The following PDE1C variants were observed in gnomAD, a reference collection of about 807,000 sequenced individuals.
PDE1C encodes dual specificity calcium/calmodulin-dependent 3',5'-cyclic nucleotide phosphodiesterase 1C.
PDE1C carries 62 observed loss-of-function variants against 93.1 expected under a neutral mutation model. That is an observed-to-expected ratio of 0.67 (90% CI 0.54 to 0.82). PDE1C has a LOEUF of 0.82. Among genes scored for constraint, PDE1C ranks in the 40% least tolerant of loss-of-function variants. The pLI is 0.00. For missense variants in PDE1C, 742 were observed against 884.6 expected, an observed-to-expected ratio of 0.84 and a Z score of 2.04; for synonymous variants, 325 against 310.1, an observed-to-expected ratio of 1.05 and a Z score of -0.50.
chr7:32,043,365 G>T (rs1484376204), intron 2 of PDE1C, among the ~76,000 whole-genome samples: 1 of 152,118 alleles, frequency 6.6e-6, no homozygotes, highest in Non-Finnish European at 1.5e-5. Context: ...GGTTTGGGAA[G>T]GATTTAGAGA....
rs11978510 is a variant in PDE1C at position 32,324,260 on chromosome 7, A to T, written c.310+103562T>A. Among the ~76,000 whole-genome samples the T allele has an allele frequency of 2.8e-3, 433 of 152,332 alleles. 3 individuals carry two copies. Among genetic ancestry groups the T allele is most frequent in the African/African-American group, 9.5e-3 (395 of 41,570 alleles). ...TTACTATTTGCTCTTTTATAGAAAC[A>T]AAATTTGCCAATTCTTGCACATAGC... On this transcript the variant is annotated intron_variant, in intron 1 of 1. Transcript: ENST00000672256.
At chr7:31,638,416 A>G in the PDE1C span, among the ~76,000 whole-genome samples, 384 of 152,354 alleles carry the variant, frequency 2.5e-3, 3 homozygotes, top group African/African-American at 8.9e-3. Context: ...AAAATCAGGC[A>G]GCACCTTTTC....
chr7:32,305,001 C>T (rs774960455), intron 1 of PDE1C, among the ~76,000 whole-genome samples: 1 of 152,114 alleles, frequency 6.6e-6, no homozygotes, highest in Non-Finnish European at 1.5e-5. Context: ...CTCACTCAAC[C>T]CTGGGCCTAA....
intron 1 of PDE1C, among the ~76,000 whole-genome samples, chr7:32,067,982 G>A (rs187128745): frequency 1.1e-3 from 170 of 152,136 alleles, no homozygotes; most frequent in Non-Finnish European, 7.5e-4. Flanking sequence ...AATTAAATAC[G>A]GGCGATACCA....
chr7:32,380,216 T>A (rs1784507253), intron 1 of PDE1C, among the ~76,000 whole-genome samples: 3 of 151,720 alleles, frequency 2.0e-5, no homozygotes, highest in Admixed American at 2.0e-4. Flanking sequence ...TCCACTTCCA[T>A]CCTCTCTCTC....
chr7:32,212,036 A>G (rs909251659), intron 1 of PDE1C, among the ~76,000 whole-genome samples: 1 of 151,338 alleles, frequency 6.6e-6, no homozygotes, highest in Non-Finnish European at 1.5e-5. Context: ...AAAAAAAAAA[A>G]AAAAAAAAAG....
chr7:31,881,028 A>AT (rs1161737055), intron 2 of PDE1C, among the ~76,000 whole-genome samples, 168 bp from the exon 3 acceptor site: 1 of 152,182 alleles, frequency 6.6e-6, no homozygotes, highest in African/African-American at 2.4e-5. Flanking sequence ...AAATGTATAC[A>AT]TTTTTGCCAT....
At chr7:31,928,377 G>A (rs1803681590) in intron 2 of PDE1C, among the ~76,000 whole-genome samples, 1 of 152,148 alleles carries the variant, frequency 6.6e-6, no homozygotes, top group South Asian at 2.1e-4. Context: ...TTATCCAGGA[G>A]AATTTCCCCA....
chr7:32,126,514 T>A (rs545428213), intron 3 of PDE1C, among the ~76,000 whole-genome samples: 49 of 152,134 alleles, frequency 3.2e-4, no homozygotes, highest in African/African-American at 1.2e-3. Flanking sequence ...GCTAGATAAC[T>A]AAGGAAAAAG....
At chr7:32,329,677 T>A (rs1457774097) in intron 1 of PDE1C, among the ~76,000 whole-genome samples, 2 of 152,254 alleles carry the variant, frequency 1.3e-5, no homozygotes, top group South Asian at 2.1e-4. Context: ...TGGTCATCTA[T>A]ACTTCTACTA....
chr7:31,779,019 G>A (rs1783203648), intron 16 of PDE1C, among the ~76,000 whole-genome samples: 1 of 152,132 alleles, frequency 6.6e-6, no homozygotes, highest in African/African-American at 2.4e-5. Context: ...CTAAGAGGAA[G>A]AAAAACCTGG....
intron 2 of PDE1C, among the ~76,000 whole-genome samples, chr7:32,028,623 T>G (rs1330045367): frequency 6.6e-6 from 1 of 152,174 alleles, no homozygotes. Context: ...GATGTTATAA[T>G]TTATGAAAAC....
At chr7:31,841,396 A>T (rs559451163) in intron 9 of PDE1C, among the ~76,000 whole-genome samples, 15 of 152,192 alleles carry the variant, frequency 9.9e-5, no homozygotes, top group African/African-American at 3.6e-4. Flanking sequence ...TGCTATTAAC[A>T]TCTTAACAAT....
At chr7:31,893,498 G>A in intron 2 of PDE1C, 1 of 984,538 alleles carries the variant, frequency 1.0e-6, no homozygotes, top group Non-Finnish European at 1.2e-6. Context: ...CATCTCACTT[G>A]CCAGCACCAC....
chr7:32,419,525 A>G (rs1324516935), intron 1 of PDE1C, among the ~76,000 whole-genome samples: 1 of 152,194 alleles, frequency 6.6e-6, no homozygotes, highest in Non-Finnish European at 1.5e-5. Context: ...TCATCTGAGA[A>G]TAAACCTGAA....
chr7:32,221,230 T>A (rs930207447), intron 1 of PDE1C, among the ~76,000 whole-genome samples: 1 of 152,192 alleles, frequency 6.6e-6, no homozygotes, highest in Non-Finnish European at 1.5e-5. Flanking sequence ...AAGAGAATAT[T>A]TGTATTTTAA....
intron 15 of PDE1C, among the ~76,000 whole-genome samples, chr7:31,810,466 C>T (rs1229403326): frequency 6.6e-6 from 1 of 152,108 alleles, no homozygotes. Flanking sequence ...CTAATAGCCC[C>T]ATTATGAAGG....
the PDE1C span, chr7:31,692,637 G>C: frequency 1.2e-5 from 11 of 911,920 alleles, no homozygotes; most frequent in African/African-American, 1.7e-4. Flanking sequence ...CTGATAGTCT[G>C]TGCCTTCTGG....
the PDE1C span, among the ~76,000 whole-genome samples, chr7:31,638,363 T>C: frequency 6.6e-6 from 1 of 152,190 alleles, no homozygotes; most frequent in Non-Finnish European, 1.5e-5. Context: ...GTTCTATTAC[T>C]CAGGTTAAAG....
Sources: gnomAD v4.1 joint callset for allele counts (sites outside exome capture counted in the v4.1 genomes callset) on GRCh38, gnomAD v4.1.1 for gene constraint, MANE v1.5 for transcripts, NCBI Gene and HGNC (gene_info 2026-07-23, HGNC 2026-07-21) for gene names.